KLHL1: variants seen among roughly 807,000 people sequenced by gnomAD.
KLHL1 encodes kelch-like protein 1.
KLHL1 carries 47 observed loss-of-function variants against 77.7 expected under a neutral mutation model. The observed-to-expected ratio is 0.60, with a 90% CI of 0.48 to 0.77. The LOEUF (loss-of-function observed/expected upper bound fraction) is 0.77, where lower values mean the gene tolerates loss of function less well. Ranked by LOEUF, KLHL1 falls within the 30% of genes least tolerant of loss-of-function variation. The pLI is 0.00. For synonymous variants in KLHL1, 360 were observed against 325.2 expected, an observed-to-expected ratio of 1.11 and a Z score of -1.15; for missense variants, 925 against 910.8, an observed-to-expected ratio of 1.02 and a Z score of -0.20.
At position 70,050,686 on chromosome 13, in the gene KLHL1, C is replaced by T. The variant is rs150614308; in HGVS notation, c.497+56517G>A. Among the ~76,000 whole-genome samples, 5 of 151,988 alleles carry T rather than the reference C, an allele frequency of 3.3e-5. No homozygotes were observed. In the East Asian group the frequency reaches 9.7e-4, roughly 29 times the overall value. On this transcript the variant is annotated intron_variant, in intron 1 of 10. Coordinates refer to ENST00000377844, the MANE Select transcript of KLHL1 (RefSeq NM_020866.3). Reference sequence around the variant, plus strand: ...ATGATGATGCAAACTTCTGCTTCTGCATTCAAAAAATATTTTAATCATGAT... The same window carrying T: ...ATGATGATGCAAACTTCTGCTTCTGTATTCAAAAAATATTTTAATCATGAT...
chr13:69,816,412 C>G (rs560256680), intron 6 of KLHL1, among the ~76,000 whole-genome samples: 7 of 151,588 alleles, frequency 4.6e-5, no homozygotes, highest in Non-Finnish European at 1.0e-4. Flanking sequence ...AGGCATGTGC[C>G]GCCACGCCTG....
At chr13:69,945,889 T>A (rs987900835) in intron 3 of KLHL1, among the ~76,000 whole-genome samples, 9 of 152,186 alleles carry the variant, frequency 5.9e-5, no homozygotes, top group African/African-American at 1.9e-4. Context: ...GCAGAAAATT[T>A]ATTTTGCAAT....
chr13:69,727,522 G>A (rs138095692), intron 8 of KLHL1, among the ~76,000 whole-genome samples: 6 of 152,196 alleles, frequency 3.9e-5, no homozygotes, highest in South Asian at 2.1e-4. Context: ...GATTTGGTAT[G>A]GCTGGGACAT....
chr13:69,925,918 T>C (rs929489304), intron 4 of KLHL1, among the ~76,000 whole-genome samples: 2 of 152,196 alleles, frequency 1.3e-5, no homozygotes, highest in African/African-American at 4.8e-5. Context: ...TATACCTAGT[T>C]GTTAATAAGT....
Position 69,914,656 on chromosome 13 carries a change from G to C in KLHL1, c.1014+25384C>G, listed in dbSNP as rs1882359768. 2.0e-5 allele frequency among the ~76,000 whole-genome samples: 3 copies of C among 152,156 alleles called. 1 individual carries two copies. Among genetic ancestry groups the C allele is most frequent in the Admixed American group, 2.0e-4 (3 of 15,278 alleles). On this transcript the variant is annotated intron_variant, in intron 4 of 10. Transcript: ENST00000377844. ...CAAACAGAATCAATTCAGCCAATCT[G>C]CACTGTATTCATGTGCTTTAGCTTA...
chr13:69,719,183 C>CGTGTGTGT (rs761517378), intron 9 of KLHL1, among the ~76,000 whole-genome samples, 186 bp downstream of exon 9: 6,011 of 102,634 alleles, frequency 0.059, 156 homozygotes, highest in Non-Finnish European at 0.082. Flanking sequence ...AAAGAAAGTA[C>CGTGTGTGT]GTGTGTGTGT....
chr13:69,907,248 T>C (rs969321470), intron 4 of KLHL1, among the ~76,000 whole-genome samples: 3 of 151,980 alleles, frequency 2.0e-5, no homozygotes, highest in African/African-American at 4.8e-5. Context: ...TATATCACCA[T>C]TTTAGATGAA....
chr13:69,974,873 A>G (rs988191567), intron 2 of KLHL1, among the ~76,000 whole-genome samples: 1 of 152,056 alleles, frequency 6.6e-6, no homozygotes, highest in East Asian at 1.9e-4. Flanking sequence ...TCAATTTTGT[A>G]GTTATATTTG....
chr13:69,865,300 G>T (rs1880328627), intron 5 of KLHL1, among the ~76,000 whole-genome samples: 1 of 152,050 alleles, frequency 6.6e-6, no homozygotes, highest in South Asian at 2.1e-4. Context: ...GAGTATGAGG[G>T]CCAGAGCATG....
intron 6 of KLHL1, among the ~76,000 whole-genome samples, chr13:69,813,831 T>C (rs1293423021): frequency 6.6e-6 from 1 of 152,144 alleles, no homozygotes; most frequent in African/African-American, 2.4e-5. Context: ...CTCAAAGCAA[T>C]CTACAGATTT....
At chr13:69,917,998 G>T (rs1420614513) in intron 4 of KLHL1, among the ~76,000 whole-genome samples, 1 of 152,018 alleles carries the variant, frequency 6.6e-6, no homozygotes, top group African/African-American at 2.4e-5. Flanking sequence ...AATTGATATT[G>T]ATATGTTGTA....
chr13:69,779,811 T>C (rs1175823929), intron 7 of KLHL1, among the ~76,000 whole-genome samples: 1 of 151,988 alleles, frequency 6.6e-6, no homozygotes, highest in Non-Finnish European at 1.5e-5. Context: ...TATTTTATTT[T>C]ATTTTATTTT....
chr13:69,882,635 G>A (rs868250589), intron 4 of KLHL1, 140 bp from the exon 5 acceptor site: 8 of 626,322 alleles, frequency 1.3e-5, no homozygotes, highest in African/African-American at 1.1e-4. Context: ...TCAGAAACTA[G>A]AGGCTGTTAA....
rs11336815 is a variant in KLHL1, at chr13:69,719,583, TA to T, written c.1803-3del. ...TCACGACCTCCAACTGAATACAACC[TA>T]AAAACACAATTGGAAAAATGTGATT... On this transcript the variant is annotated splice_region_variant and splice_polypyrimidine_tract_variant and intron_variant, in intron 8 of 10. Coordinates refer to ENST00000377844, the MANE Select transcript of KLHL1 (RefSeq NM_020866.3). 0.064 allele frequency: 103,599 copies of T among 1,607,286 alleles called. 4,178 individuals are homozygous for T. The highest frequency in any genetic ancestry group is 0.17 in the African/African-American group (12,722 of 74,664).
intron 5 of KLHL1, among the ~76,000 whole-genome samples, chr13:69,875,677 T>C (rs1880736923): frequency 6.6e-6 from 1 of 152,094 alleles, no homozygotes; most frequent in Admixed American, 6.5e-5. Flanking sequence ...AAACACTTTG[T>C]CTTTTCTTAA....
At chr13:70,017,451 G>A (rs1885686700) in intron 1 of KLHL1, among the ~76,000 whole-genome samples, 1 of 152,192 alleles carries the variant, frequency 6.6e-6, no homozygotes, top group African/African-American at 2.4e-5. Flanking sequence ...ACTTGTGCTG[G>A]TACCTGGAGC....
intron 3 of KLHL1, among the ~76,000 whole-genome samples, chr13:69,946,791 G>A (rs1883539817): frequency 6.6e-6 from 1 of 152,074 alleles, no homozygotes; most frequent in Non-Finnish European, 1.5e-5. Flanking sequence ...GTGATTTACA[G>A]GCATGAGCTA....
chr13:69,769,916 G>A (rs1333136014), intron 7 of KLHL1, among the ~76,000 whole-genome samples: 1 of 152,174 alleles, frequency 6.6e-6, no homozygotes, highest in African/African-American at 2.4e-5. Context: ...GGCTTGCCAA[G>A]CTGTGGGCGG....
chr13:69,783,403 T>C (rs926034177), intron 7 of KLHL1, among the ~76,000 whole-genome samples: 1 of 152,012 alleles, frequency 6.6e-6, no homozygotes, highest in African/African-American at 2.4e-5. Context: ...TTCAAACCAA[T>C]GGCAAAGCAG....
Sources: allele counts gnomAD v4.1 joint callset (sites outside exome capture counted in the v4.1 genomes callset), GRCh38; gene constraint gnomAD v4.1.1; transcripts MANE v1.5; gene names NCBI Gene and HGNC (gene_info 2026-07-23, HGNC 2026-07-21).